Variants in HEMK2 observed in about 807,000 individuals in gnomAD.
HEMK2 encodes methyltransferase HEMK2.
At chr21:28,737,247 C>T in the HEMK2 span, among the ~76,000 whole-genome samples, 1 of 152,142 alleles carries the variant, frequency 6.6e-6, no homozygotes, top group Non-Finnish European at 1.5e-5. Flanking sequence ...GCCTCGGCCC[C>T]CCAAGTAGCT....
At chr21:28,881,886 C>T in the HEMK2 span, among the ~76,000 whole-genome samples, 1 of 152,176 alleles carries the variant, frequency 6.6e-6, no homozygotes. Flanking sequence ...AATCATCCCA[C>T]CTCAGCATCC....
chr21:28,874,630 T>G, the HEMK2 span: 2 of 152,288 alleles, frequency 1.3e-5, no homozygotes, highest in Non-Finnish European at 2.9e-5. Flanking sequence ...GGCCTACTAG[T>G]ATCCACAGAA....
At chr21:28,759,483 C>T in the HEMK2 span, among the ~76,000 whole-genome samples, 3 of 152,142 alleles carry the variant, frequency 2.0e-5, no homozygotes, top group Non-Finnish European at 4.4e-5. Context: ...TTTGGTATGA[C>T]TTTGGACTGT....
chr21:28,730,216 A>C, the HEMK2 span, among the ~76,000 whole-genome samples: 1 of 43,514 alleles, frequency 2.3e-5, no homozygotes, highest in African/African-American at 3.7e-4. Flanking sequence ...CCATTGCCAC[A>C]AAAAAAAAGT....
the HEMK2 span, among the ~76,000 whole-genome samples, chr21:28,708,573 G>A: frequency 2.0e-5 from 3 of 152,182 alleles, no homozygotes; most frequent in Non-Finnish European, 2.9e-5. Context: ...TATGACAGTT[G>A]TCAACAATGG....
chr21:28,704,802 A>G, the HEMK2 span, among the ~76,000 whole-genome samples: 2 of 152,200 alleles, frequency 1.3e-5, no homozygotes, highest in Non-Finnish European at 2.9e-5. Context: ...AATGTTGATG[A>G]CAAAGTATAC....
chr21:28,716,739 T>C, the HEMK2 span, among the ~76,000 whole-genome samples: 1 of 152,226 alleles, frequency 6.6e-6, no homozygotes, highest in South Asian at 2.1e-4. Context: ...GTACTGGCTG[T>C]GGGTTTGTCA....
chr21:28,838,972 A>AAAAAAATAT, the HEMK2 span, among the ~76,000 whole-genome samples: 11 of 29,152 alleles, frequency 3.8e-4, no homozygotes, highest in African/African-American at 1.6e-3. Context: ...AAAAAAAAAA[A>AAAAAAATAT]ATATATATAT....
chr21:28,793,839 C>G, the HEMK2 span, among the ~76,000 whole-genome samples: 2 of 152,114 alleles, frequency 1.3e-5, no homozygotes, highest in Non-Finnish European at 2.9e-5. Context: ...ATGAAGACAA[C>G]AGCAGAGATT....
At chr21:28,796,017 C>G in the HEMK2 span, among the ~76,000 whole-genome samples, 1 of 152,194 alleles carries the variant, frequency 6.6e-6, no homozygotes, top group Admixed American at 6.5e-5. Flanking sequence ...TGCCCTCTAC[C>G]TCCTGTTTTC....
chr21:28,624,516 G>C, the HEMK2 span, among the ~76,000 whole-genome samples: 2 of 152,230 alleles, frequency 1.3e-5, no homozygotes, highest in Non-Finnish European at 2.9e-5. Context: ...CTAGTCAGAA[G>C]AGGGTGGCAG....
the HEMK2 span, among the ~76,000 whole-genome samples, chr21:28,733,228 G>C: frequency 6.6e-6 from 1 of 152,164 alleles, no homozygotes; most frequent in Non-Finnish European, 1.5e-5. Flanking sequence ...GCAGTGAGCC[G>C]AGATCGTGCC....
At chr21:28,877,760 A>G in the HEMK2 span, among the ~76,000 whole-genome samples, 1 of 152,182 alleles carries the variant, frequency 6.6e-6, no homozygotes, top group African/African-American at 2.4e-5. Flanking sequence ...ATTATGGTCA[A>G]TTTAGTTATA....
At chr21:28,685,333 A>T in the HEMK2 span, among the ~76,000 whole-genome samples, 1 of 133,756 alleles carries the variant, frequency 7.5e-6, no homozygotes, top group Non-Finnish European at 1.5e-5. Context: ...ACTGATCATG[A>T]GCCTTTATGT....
chr21:28,815,147 G>A, the HEMK2 span, among the ~76,000 whole-genome samples: 176 of 147,526 alleles, frequency 1.2e-3, no homozygotes, highest in Non-Finnish European at 2.0e-3. Flanking sequence ...ACCACACACC[G>A]CATGTTCTCA....
the HEMK2 span, among the ~76,000 whole-genome samples, chr21:28,826,171 G>A: frequency 4.6e-5 from 7 of 152,164 alleles, no homozygotes; most frequent in Non-Finnish European, 1.0e-4. Flanking sequence ...CAGACACCCC[G>A]TAGATGGAAG....
chr21:28,706,340 G>A, the HEMK2 span, among the ~76,000 whole-genome samples: 3 of 152,224 alleles, frequency 2.0e-5, no homozygotes, highest in African/African-American at 7.2e-5. Flanking sequence ...ATTATTTAAC[G>A]ACTCTATAAC....
chr21:28,779,544 C>G, the HEMK2 span, among the ~76,000 whole-genome samples: 1 of 152,158 alleles, frequency 6.6e-6, no homozygotes, highest in South Asian at 2.1e-4. Context: ...ATCTATTGAG[C>G]AGCAGGGTGA....
the HEMK2 span, among the ~76,000 whole-genome samples, chr21:28,777,833 A>G: frequency 6.6e-6 from 1 of 152,234 alleles, no homozygotes; most frequent in Non-Finnish European, 1.5e-5. Flanking sequence ...AACAAAGTTA[A>G]TGGGATATTT....
Sources: gnomAD v4.1 joint callset for allele counts (sites outside exome capture counted in the v4.1 genomes callset) on GRCh38, gnomAD v4.1.1 for gene constraint, MANE v1.5 for transcripts, NCBI Gene and HGNC (gene_info 2026-07-23, HGNC 2026-07-21) for gene names.